The following KIAA1328 variants were observed in gnomAD, a reference collection of about 807,000 sequenced individuals.
KIAA1328 encodes the protein protein hinderin.
A neutral mutation model predicts 68.1 loss-of-function variants in KIAA1328; 52 were observed. That is an observed-to-expected ratio of 0.76 (90% CI 0.61 to 0.96). The LOEUF (loss-of-function observed/expected upper bound fraction) is 0.96. Among genes scored for constraint, KIAA1328 ranks in the 40% least tolerant of loss-of-function variants. The probability of loss-of-function intolerance (pLI) is 0.00; values close to 1 mark genes in which losing one functional copy is unlikely to be tolerated. For missense variants in KIAA1328, 641 were observed against 677.6 expected, an observed-to-expected ratio of 0.95 and a Z score of 0.60; for synonymous variants, 232 against 239.4, an observed-to-expected ratio of 0.97 and a Z score of 0.28.
At chr18:37,038,260 G>A (rs1004643968) in intron 6 of KIAA1328, among the ~76,000 whole-genome samples, 13 of 151,998 alleles carry the variant, frequency 8.6e-5, no homozygotes, top group Admixed American at 3.9e-4. Flanking sequence ...GCTGCTTTTC[G>A]TTTGGGAAGA....
intron 6 of KIAA1328, among the ~76,000 whole-genome samples, chr18:37,025,905 A>G (rs925402553): frequency 1.1e-4 from 17 of 152,182 alleles, no homozygotes; most frequent in Admixed American, 4.6e-4. Flanking sequence ...GAGACACAAA[A>G]AACCCTTCAA....
chr18:37,008,203 A>C (rs2053849045), intron 6 of KIAA1328, among the ~76,000 whole-genome samples: 1 of 152,220 alleles, frequency 6.6e-6, no homozygotes, highest in Non-Finnish European at 1.5e-5. Context: ...GTATGGGGGA[A>C]GTGTCAGACA....
At chr18:37,002,218 A>ATTTTTTTTTTCTTTTT (rs202067756) in intron 6 of KIAA1328, among the ~76,000 whole-genome samples, 2 of 119,976 alleles carry the variant, frequency 1.7e-5, no homozygotes, top group Non-Finnish European at 3.4e-5. Context: ...CTTTTTCTTC[A>ATTTTTTTTTTCTTTTT]TTTTTTTTTC....
intron 7 of KIAA1328, among the ~76,000 whole-genome samples, chr18:37,072,930 C>G (rs1305667838): frequency 6.6e-6 from 1 of 152,170 alleles, no homozygotes; most frequent in African/African-American, 2.4e-5. Context: ...TCATCCATGT[C>G]CCTGCAAAGG....
intron 9 of KIAA1328, among the ~76,000 whole-genome samples, chr18:37,191,541 A>G (rs1449950120): frequency 1.3e-5 from 2 of 152,166 alleles, no homozygotes; most frequent in African/African-American, 4.8e-5. Flanking sequence ...GCTTGCATTC[A>G]TAGTATATCA....
At chr18:37,220,449 C>T (rs1177388561) in intron 9 of KIAA1328, among the ~76,000 whole-genome samples, 1 of 152,154 alleles carries the variant, frequency 6.6e-6, no homozygotes, top group Non-Finnish European at 1.5e-5. Context: ...TCAAATGCAA[C>T]AATCTTTAAT....
chr18:37,011,930 C>T (rs2053992928), intron 6 of KIAA1328, among the ~76,000 whole-genome samples: 1 of 151,374 alleles, frequency 6.6e-6, no homozygotes, highest in East Asian at 1.9e-4. Context: ...ATGAATATTA[C>T]TGTGTATAAA....
Position 37,222,388 on chromosome 18 carries a change from A to T in KIAA1328, c.*161A>T. The T allele has an allele frequency of 6.9e-7, 1 of 1,442,942 alleles. No homozygotes were observed. Among genetic ancestry groups the T allele is most frequent in the Non-Finnish European group, 9.0e-7 (1 of 1,105,738 alleles). The allele number at this position is 1,442,942 out of a possible 1,614,324, so 89.4% of individuals were successfully genotyped here. Reference sequence around the variant, plus strand: ...AATATAGAAATCATTCTAACAACCCAGGTTATTTTCAATCAGACCAGGCAT... The same window carrying T: ...AATATAGAAATCATTCTAACAACCCTGGTTATTTTCAATCAGACCAGGCAT... On this transcript the variant is annotated 3_prime_UTR_variant, in exon 10 of 10. Coordinates refer to ENST00000280020, the MANE Select transcript of KIAA1328 (RefSeq NM_020776.3).
intron 6 of KIAA1328, among the ~76,000 whole-genome samples, chr18:36,986,380 C>A (rs960262722): frequency 6.7e-6 from 1 of 150,314 alleles, no homozygotes; most frequent in East Asian, 2.0e-4. Context: ...CCATAAAAAC[C>A]CTAGAAGAAA....
At chr18:37,038,150 G>A (rs1406408742) in intron 6 of KIAA1328, among the ~76,000 whole-genome samples, 2 of 151,648 alleles carry the variant, frequency 1.3e-5, no homozygotes, top group East Asian at 1.9e-4. Flanking sequence ...TGTCAAACAC[G>A]CCTAGCCCAC....
At chr18:37,089,029 C>T (rs1285742578) in intron 7 of KIAA1328, among the ~76,000 whole-genome samples, 1 of 151,948 alleles carries the variant, frequency 6.6e-6, no homozygotes, top group Admixed American at 6.6e-5. Flanking sequence ...TCAAATTGAA[C>T]ACTTTTTTCT....
chr18:37,113,889 A>G (rs1435834773), intron 7 of KIAA1328, among the ~76,000 whole-genome samples: 2 of 152,180 alleles, frequency 1.3e-5, no homozygotes, highest in African/African-American at 4.8e-5. Context: ...CTTTAAACCA[A>G]CTAATATCAA....
At chr18:37,160,179 C>T in intron 7 of KIAA1328, 21 bp from the exon 8 acceptor site, 1 of 1,597,756 alleles carries the variant, frequency 6.3e-7, no homozygotes. Flanking sequence ...TTCAACAGTT[C>T]ATTCATCGTT....
chr18:36,989,020 A>G (rs945641770), intron 6 of KIAA1328, among the ~76,000 whole-genome samples: 4 of 152,204 alleles, frequency 2.6e-5, no homozygotes, highest in Non-Finnish European at 5.9e-5. Flanking sequence ...TTATCATGCT[A>G]TTGCTGTAAT....
At chr18:36,886,697 A>G (rs2048513800) in intron 5 of KIAA1328, among the ~76,000 whole-genome samples, 1 of 152,174 alleles carries the variant, frequency 6.6e-6, no homozygotes, top group South Asian at 2.1e-4. Context: ...AGAGTGATGG[A>G]TCTGCCAGCT....
intron 7 of KIAA1328, among the ~76,000 whole-genome samples, chr18:37,117,890 A>ATG (rs1368379258): frequency 8.5e-6 from 1 of 118,056 alleles, no homozygotes; most frequent in African/African-American, 2.6e-5. Context: ...AAAAAAAAAT[A>ATG]TATATATATA....
intron 7 of KIAA1328, among the ~76,000 whole-genome samples, chr18:37,130,078 T>C (rs1002596781): frequency 2.0e-5 from 3 of 152,218 alleles, no homozygotes; most frequent in Middle Eastern, 3.4e-3. Flanking sequence ...ATCTTTCCTA[T>C]AAAGAAATGG....
intron 5 of KIAA1328, among the ~76,000 whole-genome samples, chr18:36,921,949 C>A (rs1412198880): frequency 6.6e-6 from 1 of 151,166 alleles, no homozygotes; most frequent in Non-Finnish European, 1.5e-5. Flanking sequence ...TTTTTTGAGA[C>A]AGAGTCTCGC....
At chr18:37,202,598 G>A (rs535029837) in intron 9 of KIAA1328, among the ~76,000 whole-genome samples, 8 of 152,256 alleles carry the variant, frequency 5.3e-5, no homozygotes, top group African/African-American at 9.6e-5. Flanking sequence ...TAGAGTAGCC[G>A]TGGTTAAAGA....
Sources: gnomAD v4.1 joint callset for allele counts (sites outside exome capture counted in the v4.1 genomes callset) on GRCh38, gnomAD v4.1.1 for gene constraint, MANE v1.5 for transcripts, NCBI Gene and HGNC (gene_info 2026-07-23, HGNC 2026-07-21) for gene names.